Variants in ELAVL4 observed in about 807,000 individuals in gnomAD.
ELAVL4 encodes the protein ELAV-like protein 4.
ELAVL4 carries 1 observed loss-of-function variant against 35.6 expected under a neutral mutation model. That is an observed-to-expected ratio of 0.03 (90% CI 0.01 to 0.13). ELAVL4 has a LOEUF of 0.13. Ranked by LOEUF, ELAVL4 falls within the 10% of genes least tolerant of loss-of-function variation. The pLI, the probability that ELAVL4 is intolerant of heterozygous loss-of-function variation, is 1.00. For synonymous variants in ELAVL4, 156 were observed against 171.0 expected (o/e 0.91, Z 0.69); for missense variants, 267 against 464.9 (o/e 0.57, Z 3.91).
At chr1:50,056,106 TA>T in intron 1 of ELAVL4, among the ~76,000 whole-genome samples, 1 of 152,246 alleles carries the variant, frequency 6.6e-6, no homozygotes, top group African/African-American at 2.4e-5. Flanking sequence ...TTTCTGATAG[TA>T]AAGGTCTTTT....
At chr1:50,176,985 G>A (rs1437414987) in intron 2 of ELAVL4, 104 bp from the exon 3 acceptor site, 2 of 863,350 alleles carry the variant, frequency 2.3e-6, no homozygotes, top group African/African-American at 1.7e-5. Flanking sequence ...CACTGCAGTG[G>A]GAAGTGTTGC....
intron 2 of ELAVL4, among the ~76,000 whole-genome samples, chr1:50,166,830 C>T (rs1208661656): frequency 1.3e-5 from 2 of 152,352 alleles, no homozygotes; most frequent in Admixed American, 1.3e-4. Context: ...CTGCAACTCC[C>T]TTCTTAGCCT....
chr1:50,185,700 C>T (rs1681710687), intron 3 of ELAVL4, among the ~76,000 whole-genome samples: 1 of 152,146 alleles, frequency 6.6e-6, no homozygotes, highest in African/African-American at 2.4e-5. Context: ...GGTGCTATCC[C>T]TAAAGTGAAC....
chr1:50,178,466 T>A (rs1680461650), intron 3 of ELAVL4, among the ~76,000 whole-genome samples: 1 of 152,248 alleles, frequency 6.6e-6, no homozygotes, highest in African/African-American at 2.4e-5. Flanking sequence ...TCTTTCTTTC[T>A]TTTTTAAGCA....
chr1:50,174,484 G>GT (rs1197729273), intron 2 of ELAVL4: 79 of 128,630 alleles, frequency 6.1e-4, no homozygotes, highest in Non-Finnish European at 1.1e-3. Flanking sequence ...TCTGTTTTTT[G>GT]TTTGTTTTTT....
intron 1 of ELAVL4, among the ~76,000 whole-genome samples, chr1:50,069,531 G>A (rs1038695732): frequency 5.9e-5 from 9 of 152,154 alleles, no homozygotes; most frequent in African/African-American, 2.2e-4. Flanking sequence ...GCCCAGAGAA[G>A]TTGTTCAATA....
intron 1 of ELAVL4, among the ~76,000 whole-genome samples, chr1:50,116,419 T>C (rs5017784): frequency 0.26 from 39,258 of 149,178 alleles, 5,351 homozygotes; most frequent in African/African-American, 0.36. Context: ...TGTGCGTGTG[T>C]GTGTGTGTGT....
upstream of ELAVL4, among the ~76,000 whole-genome samples, chr1:50,103,258 A>G (rs1488782349): frequency 6.6e-6 from 1 of 152,228 alleles, no homozygotes; most frequent in Non-Finnish European, 1.5e-5. Flanking sequence ...TGTAGTAGAC[A>G]AAACTACTTA....
chr1:50,161,112 T>G (rs1676731812), intron 2 of ELAVL4, among the ~76,000 whole-genome samples: 1 of 152,220 alleles, frequency 6.6e-6, no homozygotes, highest in Non-Finnish European at 1.5e-5. Context: ...AATCACCTGT[T>G]GGTTTGCATC....
chr1:50,125,955 A>T (rs568269353), intron 1 of ELAVL4, among the ~76,000 whole-genome samples: 1 of 152,218 alleles, frequency 6.6e-6, no homozygotes, highest in East Asian at 1.9e-4. Flanking sequence ...AAATTGGGCT[A>T]ATAATACCTT....
At chr1:50,165,693 C>T (rs7413594) in intron 2 of ELAVL4, among the ~76,000 whole-genome samples, 1 of 145,650 alleles carries the variant, frequency 6.9e-6, no homozygotes, top group Non-Finnish European at 1.5e-5. Context: ...CATATATACA[C>T]ACATATACAT....
intron 1 of ELAVL4, among the ~76,000 whole-genome samples, chr1:50,121,898 T>C (rs1028880329): frequency 6.6e-6 from 1 of 152,018 alleles, no homozygotes; most frequent in Admixed American, 6.6e-5. Flanking sequence ...AATGTAATAA[T>C]AAAAGTGACA....
chr1:50,188,349 T>C (rs979668529), intron 3 of ELAVL4, among the ~76,000 whole-genome samples: 2 of 152,166 alleles, frequency 1.3e-5, no homozygotes, highest in Non-Finnish European at 2.9e-5. Context: ...ACCACAGTTA[T>C]AGAAATTTGC....
intron 2 of ELAVL4, 88 bp from the exon 3 acceptor site, chr1:50,177,001 T>C (rs988309935): frequency 7.2e-6 from 8 of 1,116,426 alleles, no homozygotes; most frequent in African/African-American, 1.6e-5. Flanking sequence ...GTTGCCTCTA[T>C]AAAGATACTG....
intron 2 of ELAVL4, among the ~76,000 whole-genome samples, chr1:50,163,216 A>G (rs1267856258): frequency 1.3e-5 from 2 of 152,180 alleles, no homozygotes; most frequent in Non-Finnish European, 2.9e-5. Flanking sequence ...CTCAATTCAG[A>G]TATCACATCC....
chr1:50,079,626 T>C (rs187081891), intron 1 of ELAVL4, among the ~76,000 whole-genome samples: 1 of 152,290 alleles, frequency 6.6e-6, no homozygotes, highest in East Asian at 1.9e-4. Flanking sequence ...ACTAAAGTTA[T>C]TCTGTTTCAG....
At chr1:50,199,431 T>C (rs1011701422) in intron 6 of ELAVL4, among the ~76,000 whole-genome samples, 2 of 152,150 alleles carry the variant, frequency 1.3e-5, no homozygotes, top group African/African-American at 4.8e-5. Context: ...CAAAAATCCG[T>C]ATATAAGCTC....
At position 50,193,936 on chromosome 1, in the gene ELAVL4, A is replaced by C; in HGVS notation, c.508+18A>C. On this transcript the variant is annotated intron_variant, in intron 4 of 6. Transcript: ENST00000371824. ...AGTCACAGGTTAAGTGTTTCTTTGT[A>C]ATTTCTTTCCTTGTATATCAATGTC... 1.2e-6 allele frequency: 2 copies of C among 1,612,860 alleles called. No individual in the cohort carries two copies. Among genetic ancestry groups the C allele is most frequent in the Non-Finnish European group, 1.7e-6 (2 of 1,179,400 alleles).
At chr1:50,063,195 G>A (rs774342126) in intron 1 of ELAVL4, among the ~76,000 whole-genome samples, 11 of 152,018 alleles carry the variant, frequency 7.2e-5, no homozygotes, top group Non-Finnish European at 1.2e-4. Context: ...GGACATCCTC[G>A]AGGCCATTTT....
Sources: gnomAD v4.1 joint callset for allele counts (sites outside exome capture counted in the v4.1 genomes callset) on GRCh38, gnomAD v4.1.1 for gene constraint, MANE v1.5 for transcripts, NCBI Gene and HGNC (gene_info 2026-07-23, HGNC 2026-07-21) for gene names.